Variants in PCDHA11 observed in about 807,000 individuals in gnomAD.
PCDHA11 encodes protocadherin alpha-11.
A neutral mutation model predicts 70.3 loss-of-function variants in PCDHA11; 61 were observed. The ratio of observed to expected loss-of-function variants is 0.87; its 90% confidence interval spans 0.71 to 1.07. PCDHA11 has a LOEUF of 1.07. Among genes scored for constraint, PCDHA11 ranks in the 50% least tolerant of loss-of-function variants. PCDHA11 has a pLI of 0.00. For synonymous variants in PCDHA11, 633 were observed against 555.1 expected, an observed-to-expected ratio of 1.14 and a Z score of -1.97; for missense variants, 1,324 against 1,237.5, an observed-to-expected ratio of 1.07 and a Z score of -1.05.
At chr5:140,957,919 A>G (rs1477103013) in intron 1 of PCDHA11, among the ~76,000 whole-genome samples, 1 of 152,158 alleles carries the variant, frequency 6.6e-6, no homozygotes, top group Non-Finnish European at 1.5e-5. Flanking sequence ...TTATCTATGT[A>G]TCAAGCTAAA....
At chr5:140,877,276 G>A (rs1038142877) in intron 1 of PCDHA11, 5 of 1,613,744 alleles carry the variant, frequency 3.1e-6, no homozygotes, top group Admixed American at 1.7e-5. Context: ...CGCTGACTCC[G>A]GCTATAACGC....
intron 1 of PCDHA11, among the ~76,000 whole-genome samples, chr5:140,902,203 CT>C (rs148688132): frequency 0.19 from 23,745 of 124,094 alleles, 1,540 homozygotes; most frequent in African/African-American, 0.29. Flanking sequence ...CTCTCTCTTT[CT>C]TTTTTTTTTT....
chr5:140,941,259 T>G (rs368206632), intron 1 of PCDHA11, among the ~76,000 whole-genome samples: 1 of 121,734 alleles, frequency 8.2e-6, no homozygotes, highest in Non-Finnish European at 1.8e-5. Flanking sequence ...TTCTTTCTCT[T>G]TCTTTCTTTC....
At chr5:140,906,995 C>T (rs1177237804) in intron 1 of PCDHA11, among the ~76,000 whole-genome samples, 1 of 152,164 alleles carries the variant, frequency 6.6e-6, no homozygotes, top group Non-Finnish European at 1.5e-5. Flanking sequence ...GCATTCCTCC[C>T]TCTGGAACTA....
chr5:140,917,574 A>AT (rs2078267630), intron 1 of PCDHA11, among the ~76,000 whole-genome samples: 2 of 152,154 alleles, frequency 1.3e-5, no homozygotes, highest in Non-Finnish European at 2.9e-5. Context: ...TCTCAGGCTG[A>AT]TTTTTGTTCA....
chr5:140,924,665 C>A (rs528625954), intron 1 of PCDHA11, among the ~76,000 whole-genome samples: 3 of 152,050 alleles, frequency 2.0e-5, no homozygotes, highest in Non-Finnish European at 4.4e-5. Flanking sequence ...GAGGCCGAGG[C>A]AGGCCAATCA....
intron 1 of PCDHA11, among the ~76,000 whole-genome samples, chr5:140,902,424 G>A (rs1422453587): frequency 6.6e-6 from 1 of 152,038 alleles, no homozygotes; most frequent in African/African-American, 2.4e-5. Flanking sequence ...AGTGGTGAAA[G>A]TGGGCATCCT....
In PCDHA11 at chr5:140,890,236, T is replaced by C. The variant is rs79211810; in HGVS notation, c.2391+18742T>C. 1.2e-3 allele frequency among the ~76,000 whole-genome samples: 183 copies of C among 152,244 alleles called. 1 individual carries two copies. Among genetic ancestry groups the C allele is most frequent in the African/African-American group, 4.0e-3 (168 of 41,532 alleles). ...CCCAGAGACCTAGTTGTTAAGCATT[T>C]ACCAGTACACTACTGCACCTGATTG... On this transcript the variant is annotated intron_variant, in intron 1 of 3. Transcript: ENST00000398640.
intron 1 of PCDHA11, among the ~76,000 whole-genome samples, chr5:140,890,244 C>T (rs1404459938): frequency 6.6e-6 from 1 of 152,052 alleles, no homozygotes; most frequent in Non-Finnish European, 1.5e-5. Flanking sequence ...TTTACCAGTA[C>T]ACTACTGCAC....
intron 1 of PCDHA11, chr5:140,875,535 T>C (rs1554167741): frequency 3.1e-6 from 5 of 1,614,134 alleles, no homozygotes; most frequent in Admixed American, 3.3e-5. Context: ...TTCTGCTCCT[T>C]GCAGCCTGGG....
chr5:140,878,239 T>C (rs1198199054), intron 1 of PCDHA11: 1 of 155,370 alleles, frequency 6.4e-6, no homozygotes, highest in Non-Finnish European at 1.4e-5. Context: ...ATGGATTCTT[T>C]AACTCTTCCT....
intron 1 of PCDHA11, chr5:140,875,368 T>G (rs745982019): frequency 1.3e-5 from 19 of 1,449,988 alleles, no homozygotes; most frequent in Non-Finnish European, 1.7e-5. Context: ...TGGAAAAAAT[T>G]TACTAAATAT....
Position 141,000,418 on chromosome 5 carries a change from TA to T in PCDHA11, c.2540-9208del, listed in dbSNP as rs1328416600. 5.1e-3 allele frequency among the ~76,000 whole-genome samples: 429 copies of T among 83,548 alleles called. 3 individuals carry two copies. The highest frequency in any genetic ancestry group is 6.3e-3 in the Non-Finnish European group (284 of 45,190). 54.8% of individuals were successfully genotyped at this position (83,548 alleles called of 152,430 possible). A position where few individuals can be genotyped will look rare whatever the true frequency, so the allele number is the denominator to read the frequency against. ...CTCTATATATATATATATATATATA[TA>T]TATTTTTTTTTTTTTTTTTTTTTTT... On this transcript the variant is annotated intron_variant, in intron 3 of 3. Transcript: ENST00000398640.
chr5:141,007,755 CTT>C (rs2098344346), intron 3 of PCDHA11, among the ~76,000 whole-genome samples: 1 of 152,170 alleles, frequency 6.6e-6, no homozygotes, highest in Non-Finnish European at 1.5e-5. Context: ...ACTTTGGACT[CTT>C]ATTGGCCTGG....
intron 3 of PCDHA11, among the ~76,000 whole-genome samples, chr5:141,007,395 C>CAAAAAAAAAA (rs35800918): frequency 8.4e-5 from 8 of 94,862 alleles, no homozygotes; most frequent in African/African-American, 1.7e-4. Flanking sequence ...TACTAAAATA[C>CAAAAAAAAAA]AAAAAAAAAA....
chr5:140,884,486 G>T, intron 1 of PCDHA11: 1 of 1,614,030 alleles, frequency 6.2e-7, no homozygotes, highest in Non-Finnish European at 8.5e-7. Flanking sequence ...GCCCACTCTA[G>T]TGTGCTCCAG....
chr5:140,893,862 C>T (rs1376548113), intron 1 of PCDHA11, among the ~76,000 whole-genome samples: 1 of 152,158 alleles, frequency 6.6e-6, no homozygotes, highest in East Asian at 1.9e-4. Flanking sequence ...TGTATAGAAA[C>T]AACCCAGATC....
chr5:140,883,886 T>C, intron 1 of PCDHA11: 1 of 1,613,156 alleles, frequency 6.2e-7, no homozygotes, highest in Non-Finnish European at 8.5e-7. Flanking sequence ...CGCGCGCGAC[T>C]CTGGCGTGCC....
At chr5:140,992,271 T>C (rs1375901464) in intron 3 of PCDHA11, among the ~76,000 whole-genome samples, 1 of 152,184 alleles carries the variant, frequency 6.6e-6, no homozygotes, top group African/African-American at 2.4e-5. Flanking sequence ...GTTCTTTTCG[T>C]AGCACATCCC....
Sources: gnomAD v4.1 joint callset for allele counts (sites outside exome capture counted in the v4.1 genomes callset) on GRCh38, gnomAD v4.1.1 for gene constraint, MANE v1.5 for transcripts, NCBI Gene and HGNC (gene_info 2026-07-23, HGNC 2026-07-21) for gene names.